Variants in NRXN3 observed in about 807,000 individuals in gnomAD.
The protein encoded by NRXN3 is neurexin 3, also known as neurexin III.
Under a neutral mutation model 137.6 loss-of-function variants are expected in NRXN3, and 32 were observed. That is an observed-to-expected ratio of 0.23 (90% CI 0.18 to 0.31). The LOEUF (loss-of-function observed/expected upper bound fraction) is 0.31, where lower values mean the gene tolerates loss of function less well. Among genes scored for constraint, NRXN3 ranks in the 10% least tolerant of loss-of-function variants. NRXN3 has a pLI of 1.00. For synonymous variants in NRXN3, 798 were observed against 784.5 expected (o/e 1.02, Z -0.29); for missense variants, 1,574 against 2,062.5 (o/e 0.76, Z 4.59).
At chr14:78,210,025 G>A (rs1434984880) in intron 1 of NRXN3, among the ~76,000 whole-genome samples, 1 of 152,154 alleles carries the variant, frequency 6.6e-6, no homozygotes, top group Admixed American at 6.5e-5. Context: ...CTAGAACATT[G>A]CCTGACACAT....
chr14:79,263,313 A>T (rs2077925222), intron 15 of NRXN3, among the ~76,000 whole-genome samples: 1 of 152,214 alleles, frequency 6.6e-6, no homozygotes, highest in African/African-American at 2.4e-5. Flanking sequence ...TTAAATGAAT[A>T]TGCTGAAATT....
chr14:79,584,225 C>T (rs73326068), intron 16 of NRXN3, among the ~76,000 whole-genome samples: 1,988 of 152,110 alleles, frequency 0.013, 45 homozygotes, highest in African/African-American at 0.046. Context: ...GTGGATTCAG[C>T]CAAGCAGAAA....
intron 16 of NRXN3, among the ~76,000 whole-genome samples, chr14:79,559,883 T>C (rs2097473012): frequency 6.6e-6 from 1 of 152,142 alleles, no homozygotes; most frequent in South Asian, 2.1e-4. Context: ...GTGTACATGC[T>C]AGGGACTTCC....
chr14:79,811,214 T>A (rs997828420), intron 20 of NRXN3, among the ~76,000 whole-genome samples: 1 of 152,220 alleles, frequency 6.6e-6, no homozygotes, highest in African/African-American at 2.4e-5. Context: ...TAAATTCTGA[T>A]AAAAGGCTCA....
intron 15 of NRXN3, among the ~76,000 whole-genome samples, chr14:79,432,906 T>A (rs1163109696): frequency 6.6e-6 from 1 of 152,174 alleles, no homozygotes; most frequent in Non-Finnish European, 1.5e-5. Context: ...CTGCAGTAAA[T>A]GTATGGACTG....
chr14:78,801,850 T>C (rs2098840120), intron 8 of NRXN3, among the ~76,000 whole-genome samples: 1 of 152,190 alleles, frequency 6.6e-6, no homozygotes, highest in Non-Finnish European at 1.5e-5. Flanking sequence ...CTTAATTGCC[T>C]TCATCCTTCA....
intron 10 of NRXN3, among the ~76,000 whole-genome samples, chr14:78,875,915 C>A (rs1250551948): frequency 6.6e-6 from 1 of 152,172 alleles, no homozygotes; most frequent in Non-Finnish European, 1.5e-5. Flanking sequence ...AGAACAACTA[C>A]TCCCCTTGTA....
intron 20 of NRXN3, among the ~76,000 whole-genome samples, chr14:79,808,488 T>C (rs1170391251): frequency 6.6e-6 from 1 of 152,026 alleles, no homozygotes; most frequent in East Asian, 1.9e-4. Context: ...ATTCTGGTTT[T>C]GAACACCCTA....
chr14:79,367,650 GTTA>G (rs1396371128), intron 15 of NRXN3, among the ~76,000 whole-genome samples: 1 of 152,080 alleles, frequency 6.6e-6, no homozygotes, highest in African/African-American at 2.4e-5. Context: ...TTGCATTATT[GTTA>G]TTATTTTTTA....
At chr14:79,775,436 G>A (rs543296022) in intron 19 of NRXN3, among the ~76,000 whole-genome samples, 2 of 151,830 alleles carry the variant, frequency 1.3e-5, no homozygotes, top group East Asian at 1.9e-4. Flanking sequence ...ATATGGATTG[G>A]GGGGCGTGAT....
intron 4 of NRXN3, among the ~76,000 whole-genome samples, chr14:78,494,432 T>G (rs2095733113): frequency 6.6e-6 from 1 of 151,262 alleles, no homozygotes; most frequent in Non-Finnish European, 1.5e-5. Flanking sequence ...TTTTGTTTTT[T>G]TTTTTGTCTG....
At chr14:79,434,172 T>G (rs2095806951) in intron 15 of NRXN3, among the ~76,000 whole-genome samples, 1 of 152,144 alleles carries the variant, frequency 6.6e-6, no homozygotes. Flanking sequence ...CAATAACATT[T>G]TTCTGAAACA....
At chr14:79,409,596 A>T (rs1003384258) in intron 15 of NRXN3, among the ~76,000 whole-genome samples, 1 of 128,954 alleles carries the variant, frequency 7.8e-6, no homozygotes, top group Non-Finnish European at 1.6e-5. Flanking sequence ...TGTCTTAGCA[A>T]GTGTGTGTGT....
At chr14:78,792,257 CAAAAAAAAAAAAAAA>C (rs140968788) in intron 8 of NRXN3, among the ~76,000 whole-genome samples, 1 of 19,460 alleles carries the variant, frequency 5.1e-5, no homozygotes, top group East Asian at 2.8e-3. Context: ...AGACTAAAGG[CAAAAAAAAAAAAAAA>C]AAAAAAAAAA....
intron 4 of NRXN3, among the ~76,000 whole-genome samples, chr14:78,426,313 G>T (rs2093662670): frequency 6.6e-6 from 1 of 152,172 alleles, no homozygotes; most frequent in Non-Finnish European, 1.5e-5. Flanking sequence ...TCTTCCAGGG[G>T]CACGTGAGGT....
chr14:79,265,765 C>G (rs1314590632), intron 15 of NRXN3, among the ~76,000 whole-genome samples: 1 of 152,300 alleles, frequency 6.6e-6, no homozygotes, highest in East Asian at 1.9e-4. Flanking sequence ...CCACGCAACA[C>G]TCCCTTGGAT....
intron 18 of NRXN3, among the ~76,000 whole-genome samples, chr14:79,695,186 T>TA (rs1208830921): frequency 1.3e-5 from 2 of 148,180 alleles, no homozygotes; most frequent in Non-Finnish European, 3.0e-5. Flanking sequence ...TCATCATCTC[T>TA]AGCCAGTGTA....
intron 15 of NRXN3, among the ~76,000 whole-genome samples, chr14:79,390,383 C>T (rs2094805999): frequency 1.3e-5 from 2 of 152,020 alleles, no homozygotes; most frequent in Admixed American, 1.3e-4. Context: ...TTCATCTCTC[C>T]TTTAACATTC....
At chr14:79,571,244 C>A (rs2097598078) in intron 16 of NRXN3, among the ~76,000 whole-genome samples, 1 of 152,094 alleles carries the variant, frequency 6.6e-6, no homozygotes, top group African/African-American at 2.4e-5. Flanking sequence ...CTTGGACTAG[C>A]TTTTGTTAAG....
Sources: allele counts gnomAD v4.1 joint callset (sites outside exome capture counted in the v4.1 genomes callset), GRCh38; gene constraint gnomAD v4.1.1; transcripts MANE v1.5; gene names NCBI Gene and HGNC (gene_info 2026-07-23, HGNC 2026-07-21).